Variants in CNIH3 observed in about 807,000 individuals in gnomAD.
The protein encoded by CNIH3 is cornichon family AMPA receptor auxiliary protein 3.
CNIH3 carries 14 observed loss-of-function variants against 24.1 expected under a neutral mutation model. The observed-to-expected ratio is 0.58, with a 90% CI of 0.38 to 0.91. The LOEUF is 0.91. Among genes scored for constraint, CNIH3 ranks in the 40% least tolerant of loss-of-function variants. CNIH3 has a pLI of 0.00. For missense variants in CNIH3, 178 were observed against 196.8 expected (o/e 0.90, Z 0.57); for synonymous variants, 68 against 73.8 (o/e 0.92, Z 0.40).
upstream of CNIH3, chr1:224,615,471 C>G (rs770399264): frequency 6.6e-6 from 1 of 152,190 alleles, no homozygotes; most frequent in Non-Finnish European, 1.5e-5. Context: ...ACTTATTGAA[C>G]GTATACCAAG....
At chr1:224,732,676 C>T (rs1482354722) in intron 4 of CNIH3, among the ~76,000 whole-genome samples, 1 of 152,146 alleles carries the variant, frequency 6.6e-6, no homozygotes, top group African/African-American at 2.4e-5. Context: ...GTCCCAAGGT[C>T]CTTCAAGTAG....
chr1:224,652,523 T>C (rs1684905716), intron 1 of CNIH3, among the ~76,000 whole-genome samples: 1 of 151,654 alleles, frequency 6.6e-6, no homozygotes, highest in African/African-American at 2.4e-5. Flanking sequence ...AGAAAGGAAG[T>C]GAGGGAAGAA....
chr1:224,643,641 T>G (rs1462510478), intron 1 of CNIH3, among the ~76,000 whole-genome samples: 1 of 152,138 alleles, frequency 6.6e-6, no homozygotes, highest in Non-Finnish European at 1.5e-5. Flanking sequence ...CCACAGAAAA[T>G]TACACTCAGA....
At chr1:224,727,000 T>G (rs1479141708) in intron 3 of CNIH3, among the ~76,000 whole-genome samples, 1 of 152,184 alleles carries the variant, frequency 6.6e-6, no homozygotes, top group Non-Finnish European at 1.5e-5. Flanking sequence ...GGTCCTTATA[T>G]AACAGACACT....
rs1416781585 is a variant in CNIH3 at position 224,604,062 on chromosome 1, G to A, written n.402+37798G>A. 6.6e-6 allele frequency among the ~76,000 whole-genome samples: 1 copy of A among 152,218 alleles called. No individual in the cohort carries two copies. Among genetic ancestry groups the A allele is most frequent in the East Asian group, 1.9e-4 (1 of 5,204 alleles). The stretch of plus-strand genomic sequence containing the variant: ...CAGTGGCAACCACATGATTTCAGTA[G>A]AGTGATAAAAATGTGATGTATATAC... On this transcript the variant is annotated intron_variant and non_coding_transcript_variant, in intron 3 of 7. Transcript: ENST00000478120. This position sits in a 1 kb window ranked among gnomAD's most constrained non-coding sequence, Gnocchi z 4.4.
downstream of CNIH3, among the ~76,000 whole-genome samples, chr1:224,590,157 G>C (rs1402651539): frequency 6.6e-6 from 1 of 152,122 alleles, no homozygotes; most frequent in Non-Finnish European, 1.5e-5. Flanking sequence ...TTACAGACGC[G>C]AGCCATCACA....
At chr1:224,661,720 C>G in intron 1 of CNIH3, 1 of 197,242 alleles carries the variant, frequency 5.1e-6, no homozygotes, top group Non-Finnish European at 1.1e-5. Flanking sequence ...TTTCTAGCAT[C>G]TGACAGCACC....
At chr1:224,469,481 T>C (rs916771263) in intron 1 of CNIH3, among the ~76,000 whole-genome samples, 2 of 152,202 alleles carry the variant, frequency 1.3e-5, no homozygotes, top group Admixed American at 6.5e-5. Context: ...AACTTGGTTA[T>C]GATGTATAAT....
chr1:224,650,299 A>G (rs1352387168), intron 1 of CNIH3, among the ~76,000 whole-genome samples: 1 of 152,076 alleles, frequency 6.6e-6, no homozygotes, highest in Non-Finnish European at 1.5e-5. Context: ...CTCTCTGCCT[A>G]AGGAGCATTT....
chr1:224,534,906 G>A (rs1243810845), intron 2 of CNIH3, among the ~76,000 whole-genome samples: 1 of 152,258 alleles, frequency 6.6e-6, no homozygotes, highest in Middle Eastern at 3.4e-3. Flanking sequence ...GCAGGTGCAG[G>A]TGCCACCCTG....
intron 4 of CNIH3, among the ~76,000 whole-genome samples, chr1:224,566,645 C>T (rs368400118): frequency 3.2e-4 from 49 of 152,184 alleles, no homozygotes; most frequent in Middle Eastern, 3.4e-3. Flanking sequence ...TGTGATAGTT[C>T]GCTGAGAATG....
intron 1 of CNIH3, among the ~76,000 whole-genome samples, chr1:224,677,050 A>T (rs1369847): frequency 0.41 from 62,556 of 152,088 alleles, 15,116 homozygotes; most frequent in Middle Eastern, 0.56. Context: ...CTTGGTTTGG[A>T]TCCTGGCACC....
At chr1:224,639,569 A>C (rs1048786025) in intron 1 of CNIH3, among the ~76,000 whole-genome samples, 3 of 152,240 alleles carry the variant, frequency 2.0e-5, no homozygotes, top group African/African-American at 7.2e-5. Context: ...TCCCTGTAGA[A>C]ACTAAAGATA....
chr1:224,710,696 C>T (rs1010178919), intron 3 of CNIH3, among the ~76,000 whole-genome samples: 3 of 152,148 alleles, frequency 2.0e-5, no homozygotes, highest in Non-Finnish European at 4.4e-5. Flanking sequence ...AAGAGAGATG[C>T]ATAAGTTACA....
At chr1:224,444,995 G>A (rs1054134589) in intron 1 of CNIH3, among the ~76,000 whole-genome samples, 1 of 150,870 alleles carries the variant, frequency 6.6e-6, no homozygotes, top group Non-Finnish European at 1.5e-5. Context: ...TATGTAGAAA[G>A]GAGTATATAC....
chr1:224,708,576 A>T (rs1320344394), intron 3 of CNIH3, among the ~76,000 whole-genome samples: 1 of 152,254 alleles, frequency 6.6e-6, no homozygotes, highest in Non-Finnish European at 1.5e-5. Flanking sequence ...TTCTATTGAA[A>T]CTGCTGATTG....
chr1:224,643,129 T>C (rs1371866580), intron 1 of CNIH3, among the ~76,000 whole-genome samples: 8 of 152,218 alleles, frequency 5.3e-5, no homozygotes, highest in Non-Finnish European at 8.8e-5. Context: ...ACTTTGGTAT[T>C]CACTTTGTAT....
At chr1:224,578,621 G>T (rs1681137518) in intron 4 of CNIH3, among the ~76,000 whole-genome samples, 1 of 152,154 alleles carries the variant, frequency 6.6e-6, no homozygotes, top group Non-Finnish European at 1.5e-5. Flanking sequence ...AAGGTTGCAT[G>T]AGAAGTGTTT....
At chr1:224,503,082 C>T (rs1252810574) in intron 1 of CNIH3, among the ~76,000 whole-genome samples, 3 of 152,052 alleles carry the variant, frequency 2.0e-5, no homozygotes, top group African/African-American at 7.2e-5. Flanking sequence ...CGGAGGAAAC[C>T]TGGGAGACTT....
Sources: gnomAD v4.1 joint callset for allele counts (sites outside exome capture counted in the v4.1 genomes callset) on GRCh38, gnomAD v4.1.1 for gene constraint, Gnocchi (gnomAD v3.1) non-coding constraint, MANE v1.5 for transcripts, NCBI Gene and HGNC (gene_info 2026-07-23, HGNC 2026-07-21) for gene names.